ELK4: variants seen among roughly 807,000 people sequenced by gnomAD.
ELK4 encodes the protein ETS domain-containing protein Elk-4.
In ELK4, 16 loss-of-function variants were observed where a neutral mutation model predicts 29.6. The observed-to-expected ratio is 0.54, with a 90% CI of 0.37 to 0.82. ELK4 has a LOEUF of 0.82. ELK4 is among the 40% of genes least tolerant of loss of function. The pLI, the probability that ELK4 is intolerant of heterozygous loss-of-function variation, is 0.00. For missense variants in ELK4, 465 were observed against 507.1 expected (o/e 0.92, Z 0.80); for synonymous variants, 213 against 191.1 (o/e 1.11, Z -0.95).
intron 1 of ELK4, among the ~76,000 whole-genome samples, chr1:205,626,829 T>C (rs530018392): frequency 6.6e-6 from 1 of 152,208 alleles, no homozygotes; most frequent in Non-Finnish European, 1.5e-5. Context: ...AAAACATACA[T>C]CCATACAAAA....
intron 1 of ELK4, among the ~76,000 whole-genome samples, chr1:205,628,823 T>G (rs1670515842): frequency 6.6e-6 from 1 of 151,756 alleles, no homozygotes; most frequent in African/African-American, 2.4e-5. Flanking sequence ...AAAATGCTGA[T>G]GCTTATTTAG....
chr1:205,626,978 T>C (rs1279277748), intron 1 of ELK4, among the ~76,000 whole-genome samples: 1 of 152,102 alleles, frequency 6.6e-6, no homozygotes, highest in Admixed American at 6.5e-5. Context: ...CAGAAAGGAA[T>C]GAGGTACACA....
rs1038150635 is a variant in ELK4 at position 205,616,244 on chromosome 1, T to C, written c.*302A>G. ...CAGTCACTAAAGCCCACCAAAAACT[T>C]CTTCAGCACAAAGCTCAAAATATTT... On this transcript the variant is annotated 3_prime_UTR_variant, in exon 5 of 5. Transcript: ENST00000357992. 2.1e-4 allele frequency: 61 copies of C among 295,616 alleles called. 1 individual carries two copies. Among genetic ancestry groups the C allele is most frequent in the Middle Eastern group, 9.5e-4 (1 of 1,054 alleles). The allele number at this position is 295,616 out of a possible 1,614,324, so 18.3% of individuals were successfully genotyped here.
In ELK4 at chr1:205,620,534, G is replaced by C. The variant is rs1175980684; in HGVS notation, c.512C>G (p.Pro171Arg). Reference sequence around the variant, plus strand: ...TTTTTTCTCTGCCAGTTTCTCGGCTGGATTCTCAGTCTTTATCAATTTGAA... The same window carrying C: ...TTTTTTCTCTGCCAGTTTCTCGGCTCGATTCTCAGTCTTTATCAATTTGAA... ...KLFKLIKTEN[P>R]AEKLAEKKSP... Residue 171 changes from proline to arginine, a missense_variant, in exon 3 of 5, where the codon CCA (proline) becomes CGA (arginine). Pro to Arg is a moderately radical substitution (Grantham distance 103). Coordinates refer to ENST00000357992, the MANE Select transcript of ELK4 (RefSeq NM_001973.4). 2 of 1,614,076 alleles carry C rather than the reference G, an allele frequency of 1.2e-6. No individual in the cohort carries two copies. The highest frequency in any genetic ancestry group is 2.7e-5 in the African/African-American group (2 of 74,902).
At chr1:205,621,193 TAAAAAAAAAAA>T (rs61338827) in intron 2 of ELK4, among the ~76,000 whole-genome samples, 2 of 77,452 alleles carry the variant, frequency 2.6e-5, no homozygotes, top group Middle Eastern at 9.6e-3. Flanking sequence ...GAGTCTGTCT[TAAAAAAAAAAA>T]AAAAAAAAAA....
chr1:205,631,991 T>A lies in ELK4; in HGVS notation c.-369A>T, dbSNP rs4951248. Reference sequence around the variant, plus strand: ...CACTCTCAAACCCCCCGACTGCTCCTGGGTCCCTCCCAGACGCCGTAGTCG... The same window carrying A: ...CACTCTCAAACCCCCCGACTGCTCCAGGGTCCCTCCCAGACGCCGTAGTCG... On this transcript the variant is annotated 5_prime_UTR_variant, in exon 1 of 5. Transcript: ENST00000357992. 11,329 of 151,896 alleles carry A rather than the reference T, an allele frequency of 0.075. 724 individuals carry two copies. The highest frequency in any genetic ancestry group is 0.34 in the East Asian group (1,733 of 5,120). 9.4% of individuals were successfully genotyped at this position (151,896 alleles called of 1,614,324 possible).
intron 2 of ELK4, among the ~76,000 whole-genome samples, chr1:205,622,073 G>A (rs1670363095): frequency 6.6e-6 from 1 of 151,976 alleles, no homozygotes; most frequent in Admixed American, 6.5e-5. Flanking sequence ...AATTAGCCAG[G>A]TGTGGTGGTG....
At chr1:205,623,422 G>A (rs1002934206) in intron 2 of ELK4, among the ~76,000 whole-genome samples, 4 of 149,950 alleles carry the variant, frequency 2.7e-5, no homozygotes, top group South Asian at 2.1e-4. Context: ...CGATTCTCCT[G>A]CCTCAGCCTC....
chr1:205,619,522 TG>T, intron 3 of ELK4: 1 of 1,109,352 alleles, frequency 9.0e-7, no homozygotes, highest in African/African-American at 1.6e-5. Flanking sequence ...AAATGTTCTA[TG>T]AGATGAGCAA....
chr1:205,614,600 C>T lies in ELK4; in HGVS notation c.*1946G>A, dbSNP rs1450340452. The T allele has an allele frequency of 7.4e-5, 17 of 228,370 alleles. No individual in the cohort carries two copies. The East Asian group carries it at 1.1e-3, about 14-fold the overall frequency. 14.1% of individuals were successfully genotyped at this position (228,370 alleles called of 1,614,324 possible). A position where few individuals can be genotyped will look rare whatever the true frequency, so the allele number is the denominator to read the frequency against. On this transcript the variant is annotated 3_prime_UTR_variant, in exon 5 of 5. Coordinates refer to ENST00000357992, the MANE Select transcript of ELK4 (RefSeq NM_001973.4). ...ATGAACCAGTAACAAGTCTCCGACA[C>T]TACAGATATAAAGGCAGCTCACTGA...
intron 1 of ELK4, among the ~76,000 whole-genome samples, chr1:205,629,555 A>G (rs138953130): frequency 3.1e-3 from 467 of 152,072 alleles, no homozygotes; most frequent in Non-Finnish European, 5.1e-3. Context: ...CGTTTCTATT[A>G]AAAATACAAA....
At chr1:205,631,110 G>T (rs1387646126) in intron 1 of ELK4, among the ~76,000 whole-genome samples, 2 of 152,234 alleles carry the variant, frequency 1.3e-5, no homozygotes, top group South Asian at 2.1e-4. Flanking sequence ...ATGCAGCTGT[G>T]CACAAGGCGG....
rs900186315 is a variant in ELK4, at chr1:205,615,177, G to A, written c.*1369C>T. 2 of 173,146 alleles carry A rather than the reference G, an allele frequency of 1.2e-5. No individual in the cohort carries two copies. The highest frequency in any genetic ancestry group is 4.8e-5 in the African/African-American group (2 of 41,986). 10.7% of individuals were successfully genotyped at this position (173,146 alleles called of 1,614,324 possible). A position where few individuals can be genotyped will look rare whatever the true frequency, so the allele number is the denominator to read the frequency against. ...GGAGGCTGAGGTGGGCGGATCACAAGGTCAAGAGATCAAGACCATCCTGGC... is the reference window on the plus strand; with the variant it reads ...GGAGGCTGAGGTGGGCGGATCACAAAGTCAAGAGATCAAGACCATCCTGGC... On this transcript the variant is annotated 3_prime_UTR_variant, in exon 5 of 5. Coordinates refer to ENST00000357992, the MANE Select transcript of ELK4 (RefSeq NM_001973.4).
Position 205,609,957 on chromosome 1 carries a change from T to C in ELK4, c.*6589A>G, listed in dbSNP as rs113441902. 2.1e-3 allele frequency: 494 copies of C among 230,332 alleles called. 2 individuals are homozygous for C. The highest frequency in any genetic ancestry group is 0.01 in the African/African-American group (467 of 45,298). 14.3% of individuals were successfully genotyped at this position (230,332 alleles called of 1,614,324 possible). A position where few individuals can be genotyped will look rare whatever the true frequency, so the allele number is the denominator to read the frequency against. On this transcript the variant is annotated 3_prime_UTR_variant, in exon 5 of 5. Coordinates refer to ENST00000357992, the MANE Select transcript of ELK4 (RefSeq NM_001973.4). ...ATAAACAAGAAATAAACCTTACTTC[T>C]CTGACCCTCAATATCCTTAAGTTGA...
At chr1:205,624,030 C>G in intron 1 of ELK4, 139 bp from the exon 2 acceptor site, 3 of 752,280 alleles carry the variant, frequency 4.0e-6, no homozygotes, top group Non-Finnish European at 6.3e-6. Flanking sequence ...ACTGCATCCT[C>G]ATTTTACGTA....
At chr1:205,616,711 T>A in intron 4 of ELK4, 67 bp from the exon 5 acceptor site, 4 of 1,399,130 alleles carry the variant, frequency 2.9e-6, no homozygotes, top group Non-Finnish European at 4.0e-6. Context: ...TCTATCCTAC[T>A]CTATTACCTG....
At position 205,625,277 on chromosome 1, in the gene ELK4, T is replaced by TA. The variant is rs1318202066; in HGVS notation, c.-9-1387dup. ...AAGGGAGCCTGCATCCAAAATATATTAAAAAACGCCTACGACTAAAAAAAA... is the reference window on the plus strand; with the variant it reads ...AAGGGAGCCTGCATCCAAAATATATTAAAAAAACGCCTACGACTAAAAAAAA... On this transcript the variant is annotated intron_variant, in intron 1 of 4. Transcript: ENST00000357992. Among the ~76,000 whole-genome samples the TA allele has an allele frequency of 2.1e-4, 26 of 124,560 alleles. 1 individual carries two copies. Among genetic ancestry groups the TA allele is most frequent in the African/African-American group, 5.9e-4 (19 of 32,028 alleles). 81.7% of individuals were successfully genotyped at this position (124,560 alleles called of 152,430 possible).
intron 4 of ELK4, among the ~76,000 whole-genome samples, chr1:205,617,672 C>T (rs1327088175): frequency 2.0e-5 from 3 of 151,744 alleles, no homozygotes; most frequent in African/African-American, 4.8e-5. Flanking sequence ...GAGGCTGAGG[C>T]GGGCGGATCA....
chr1:205,629,766 CAG>C (rs1192688291), intron 1 of ELK4, among the ~76,000 whole-genome samples: 1 of 151,006 alleles, frequency 6.6e-6, no homozygotes, highest in Non-Finnish European at 1.5e-5. Context: ...TCCCCTAAGA[CAG>C]TTATTAAAAA....
Sources: allele counts gnomAD v4.1 joint callset (sites outside exome capture counted in the v4.1 genomes callset), GRCh38; gene constraint gnomAD v4.1.1; transcripts MANE v1.5; gene names NCBI Gene and HGNC (gene_info 2026-07-23, HGNC 2026-07-21).